SGK2: variants seen among roughly 807,000 people sequenced by gnomAD.
The protein encoded by SGK2 is serum/glucocorticoid regulated kinase 2, also known as serine/threonine-protein kinase Sgk2.
In SGK2, 36 loss-of-function variants were observed where a neutral mutation model predicts 47.5. The ratio of observed to expected loss-of-function variants is 0.76; its 90% confidence interval spans 0.58 to 1.00. The LOEUF (loss-of-function observed/expected upper bound fraction) is 1.00. Ranked by LOEUF, SGK2 falls within the 50% of genes least tolerant of loss-of-function variation. SGK2 has a pLI of 0.00. For missense variants in SGK2, 404 were observed against 467.4 expected (o/e 0.86, Z 1.25); for synonymous variants, 157 against 181.9 (o/e 0.86, Z 1.10).
At position 43,575,001 on chromosome 20, in the gene SGK2, C is replaced by T. The variant is rs1165176991; in HGVS notation, c.690C>T (p.Gly230=). 6.2e-7 allele frequency: 1 copy of T among 1,611,448 alleles called. No homozygotes were observed. Among genetic ancestry groups the T allele is most frequent in the Non-Finnish European group, 8.5e-7 (1 of 1,177,838 alleles). The part of the protein sequence containing the change: ...LGAVLYEMLH[G]LPPFYSQDVS... ...CAGTCCTCTACGAGATGCTCCATGGCCTGGTGAGTCAGGGGTAGCCATCTA... is the reference window on the plus strand; with the variant it reads ...CAGTCCTCTACGAGATGCTCCATGGTCTGGTGAGTCAGGGGTAGCCATCTA... Residue 230 remains glycine (G), a synonymous_variant, in exon 10 of 13, where the codon GGC becomes GGT. Transcript: ENST00000373100.
At chr20:43,576,101 G>A (rs1980443063) in intron 10 of SGK2, 123 bp from the exon 11 acceptor site, 12 of 1,096,266 alleles carry the variant, frequency 1.1e-5, no homozygotes, top group East Asian at 5.0e-5. Context: ...TCTGCCATGC[G>A]AGCCATTGCA....
At chr20:43,566,859 G>A (rs1355415159) in intron 2 of SGK2, among the ~76,000 whole-genome samples, 1 of 130,410 alleles carries the variant, frequency 7.7e-6, no homozygotes, top group Admixed American at 8.1e-5. Flanking sequence ...TTTGAGAAGT[G>A]GGTAAGATGG....
At position 43,580,002 on chromosome 20, in the gene SGK2, C is replaced by T. The variant is rs1416496403; in HGVS notation, c.880C>T (p.Pro294Ser). The T allele has an allele frequency of 1.9e-6, 3 of 1,613,194 alleles. No individual in the cohort carries two copies. Among genetic ancestry groups the T allele is most frequent in the South Asian group, 1.1e-5 (1 of 91,018 alleles). The stretch of plus-strand genomic sequence containing the variant: ...GATTAAGAACCATGTATTCTTCAGC[C>T]CCATAAACTGGGATGACCTGTACCA... ...LEIKNHVFFSPINWDDLYHKR... is the reference protein window; with the variant it reads ...LEIKNHVFFSSINWDDLYHKR... The change falls in exon 12 of 13, where the codon CCC becomes TCC. Residue 294 changes from proline (P) to serine (S), a missense_variant. By Grantham distance (74) the Pro-to-Ser change is moderately conservative. Transcript: ENST00000373100.
chr20:43,561,646 C>T (rs1458237724), intron 1 of SGK2, among the ~76,000 whole-genome samples: 1 of 152,054 alleles, frequency 6.6e-6, no homozygotes, highest in Non-Finnish European at 1.5e-5. Context: ...CTCGGCCTCC[C>T]AAAGCACTGG....
chr20:43,561,019 G>A (rs1449863987), intron 1 of SGK2, among the ~76,000 whole-genome samples: 1 of 152,226 alleles, frequency 6.6e-6, no homozygotes, highest in Non-Finnish European at 1.5e-5. Flanking sequence ...GTATCAGAGT[G>A]ACTAACCATC....
chr20:43,559,085 A>G lies in SGK2; in HGVS notation c.-98A>G, dbSNP rs1185947808. The G allele has an allele frequency of 1.3e-5, 2 of 152,326 alleles. No individual in the cohort carries two copies. The highest frequency in any genetic ancestry group is 2.9e-5 in the Non-Finnish European group (2 of 68,162). 9.4% of individuals were successfully genotyped at this position (152,326 alleles called of 1,614,324 possible). A position where few individuals can be genotyped will look rare whatever the true frequency, so the allele number is the denominator to read the frequency against. On this transcript the variant is annotated 5_prime_UTR_variant, in exon 1 of 13. It removes an upstream start codon present in the reference 5' UTR. Coordinates refer to ENST00000373100, the MANE Select transcript of SGK2 (RefSeq NM_170693.3). Reference sequence around the variant, plus strand: ...GATTGTGCCTCCAGTCAGAAGGACCATGAAGAGAGAGAAGAGGGCAGAGCC... The same window carrying G: ...GATTGTGCCTCCAGTCAGAAGGACCGTGAAGAGAGAGAAGAGGGCAGAGCC...
rs1048183751 is a variant in SGK2, at chr20:43,566,469, C to T, written c.-23-4C>T. 1.2e-6 allele frequency: 2 copies of T among 1,614,130 alleles called. No individual in the cohort carries two copies. The highest frequency in any genetic ancestry group is 1.1e-5 in the South Asian group (1 of 91,080). Reference sequence around the variant, plus strand: ...CTCATGCCTGCTCCTCCCTGTCCCCCCAGAGCTGCCTGATCATTGCTACAG... The same window carrying T: ...CTCATGCCTGCTCCTCCCTGTCCCCTCAGAGCTGCCTGATCATTGCTACAG... On this transcript the variant is annotated splice_polypyrimidine_tract_variant and splice_region_variant and intron_variant, in intron 1 of 12. Transcript: ENST00000373100.
intron 1 of SGK2, chr20:43,566,137 C>T: frequency 1.8e-6 from 1 of 545,708 alleles, no homozygotes; most frequent in Non-Finnish European, 3.3e-6. Context: ...CCTTCCAGCC[C>T]TGGCCATCTT....
rs769501682 is a variant in SGK2 at position 43,567,150 on chromosome 20, T to C, written c.86+33T>C. On this transcript the variant is annotated intron_variant, in intron 3 of 12. Transcript: ENST00000373100. ...CTGGTCCCTCAAGCACCTTTCCTAC[T>C]TGACTCCCCTCATACCTGGCTCCCC... 1.3e-5 allele frequency: 21 copies of C among 1,579,356 alleles called. No individual in the cohort carries two copies. The East Asian group carries it at 4.5e-4, about 34-fold the overall frequency.
At chr20:43,577,892 G>A (rs559055708) in intron 11 of SGK2, among the ~76,000 whole-genome samples, 7 of 151,580 alleles carry the variant, frequency 4.6e-5, no homozygotes, top group African/African-American at 1.5e-4. Context: ...TGATCTGCCC[G>A]CCTCAGCCTC....
In SGK2 at chr20:43,567,333, T is replaced by TA. The variant is rs1306796443; in HGVS notation, c.86+217dup. Reference sequence around the variant, plus strand: ...AATGCCACCTAAATGTCTGCATTGTTAGCAACTCCCCACACTTCAGGCCCT... The same window carrying TA: ...AATGCCACCTAAATGTCTGCATTGTTAAGCAACTCCCCACACTTCAGGCCCT... On this transcript the variant is annotated intron_variant, in intron 3 of 12. Coordinates refer to ENST00000373100, the MANE Select transcript of SGK2 (RefSeq NM_170693.3). 3.3e-5 allele frequency among the ~76,000 whole-genome samples: 5 copies of TA among 152,336 alleles called. No homozygotes were observed. In the East Asian group the frequency reaches 7.7e-4, roughly 24 times the overall value.
chr20:43,571,915 G>T, intron 8 of SGK2, 136 bp from the exon 9 acceptor site: 2 of 631,704 alleles, frequency 3.2e-6, no homozygotes, highest in South Asian at 3.8e-5. Flanking sequence ...GTGTTGGAGT[G>T]GAGCCTCCAG....
At position 43,580,037 on chromosome 20, in the gene SGK2, A is replaced by G; in HGVS notation, c.915A>G (p.Leu305=). ...INWDDLYHKR[L]TPPFNPNVTG... is the part of the protein sequence containing the mutation. ...GGGATGACCTGTACCACAAGAGGCT[A>G]ACTCCACCCTTCAACCCAAATGTGG... is the stretch of plus-strand genomic sequence containing the variant. The change falls in exon 12 of 13, where the codon CTA becomes CTG. Residue 305 remains leucine, a synonymous_variant. Transcript: ENST00000373100. 6.2e-7 allele frequency: 1 copy of G among 1,606,410 alleles called. No homozygotes were observed. Among genetic ancestry groups the G allele is most frequent in the East Asian group, 2.2e-5 (1 of 44,662 alleles).
chr20:43,568,422 C>T (rs544524932), intron 5 of SGK2, among the ~76,000 whole-genome samples: 11 of 152,192 alleles, frequency 7.2e-5, no homozygotes, highest in Non-Finnish European at 1.3e-4. Context: ...GCAATCCTCC[C>T]GCCTCAGCCT....
chr20:43,570,871 G>A (rs1980067110), intron 7 of SGK2, 142 bp downstream of exon 7: 1 of 1,340,892 alleles, frequency 7.5e-7, no homozygotes, highest in Admixed American at 1.8e-5. Context: ...CTCCTCCGAG[G>A]TCCAAGTGCC....
chr20:43,583,205 GA>G, intron 12 of SGK2: 1 of 1,289,794 alleles, frequency 7.8e-7, no homozygotes, highest in Non-Finnish European at 1.0e-6. Context: ...CCAGGCACCA[GA>G]AAAGCTTCTT....
intron 7 of SGK2, 143 bp downstream of exon 7, chr20:43,570,872 T>A: frequency 7.4e-7 from 1 of 1,343,102 alleles, no homozygotes; most frequent in Non-Finnish European, 1.0e-6. Context: ...TCCTCCGAGG[T>A]CCAAGTGCCC....
intron 6 of SGK2, 70 bp from the exon 7 acceptor site, chr20:43,570,547 G>A (rs1472370698): frequency 1.0e-5 from 10 of 996,824 alleles, no homozygotes; most frequent in Admixed American, 2.1e-5. Flanking sequence ...CGCACAGGGC[G>A]GGGAGCAGGT....
At chr20:43,573,080 T>C (rs1018626853) in intron 9 of SGK2, among the ~76,000 whole-genome samples, 4 of 152,186 alleles carry the variant, frequency 2.6e-5, no homozygotes, top group African/African-American at 7.2e-5. Flanking sequence ...AAACCACAGG[T>C]CCGTGTCCAT....
Sources: allele counts gnomAD v4.1 joint callset (sites outside exome capture counted in the v4.1 genomes callset), GRCh38; gene constraint gnomAD v4.1.1; transcripts MANE v1.5; gene names NCBI Gene and HGNC (gene_info 2026-07-23, HGNC 2026-07-21).